Variants in LYRM4 observed in about 807,000 individuals in gnomAD.
LYRM4 encodes LYR motif-containing protein 4.
A neutral mutation model predicts 11.7 loss-of-function variants in LYRM4; 9 were observed. The observed-to-expected ratio is 0.77, with a 90% CI of 0.46 to 1.34. The LOEUF (loss-of-function observed/expected upper bound fraction) is 1.34, where lower values mean the gene tolerates loss of function less well. LYRM4 is among the 40% of genes most tolerant of loss of function. LYRM4 has a pLI of 0.00. For synonymous variants in LYRM4, 42 were observed against 40.4 expected, an observed-to-expected ratio of 1.04 and a Z score of -0.15; for missense variants, 133 against 112.5, an observed-to-expected ratio of 1.18 and a Z score of -0.82.
At chr6:5,086,327 CTG>C in the LYRM4 span, 2 of 1,535,778 alleles carry the variant, frequency 1.3e-6, no homozygotes, top group Non-Finnish European at 8.7e-7. Flanking sequence ...GAGGCACCGT[CTG>C]GGGCCTCCGA....
chr6:5,156,625 G>T (rs1209630360), intron 2 of LYRM4, among the ~76,000 whole-genome samples: 2 of 152,216 alleles, frequency 1.3e-5, no homozygotes, highest in African/African-American at 4.8e-5. Context: ...GCTCCTTGCT[G>T]AGCTGCCTCA....
chr6:5,195,818 T>C (rs550576821), intron 2 of LYRM4, among the ~76,000 whole-genome samples: 12 of 152,248 alleles, frequency 7.9e-5, no homozygotes, highest in East Asian at 3.9e-4. Context: ...TAACACAGAT[T>C]GTAAGCTGCA....
At chr6:5,216,501 G>C in intron 2 of LYRM4, 117 bp downstream of exon 2, 1 of 1,196,892 alleles carries the variant, frequency 8.4e-7, no homozygotes, top group South Asian at 1.3e-5. Context: ...AAGGAACAGA[G>C]TTTCATGATC....
chr6:5,133,240 T>C (rs534577262), intron 2 of LYRM4, among the ~76,000 whole-genome samples: 1 of 152,330 alleles, frequency 6.6e-6, no homozygotes, highest in Non-Finnish European at 1.5e-5. Context: ...ATCAAGATGA[T>C]CGATCGTTTT....
Position 5,245,113 on chromosome 6 carries a change from AATATATATATATATAT to A in LYRM4, c.86+15519_86+15534del, listed in dbSNP as rs1158676783. On this transcript the variant is annotated intron_variant, in intron 1 of 2. Coordinates refer to ENST00000330636, the MANE Select transcript of LYRM4 (RefSeq NM_020408.6). ...TTAAAAAAAAAAAAAAAAAAAAAAA[AATATATATATATATAT>A]ATATATATATATATATATATATATA... is the stretch of plus-strand genomic sequence containing the variant. Among the ~76,000 whole-genome samples the A allele has an allele frequency of 7.9e-3, 190 of 24,062 alleles. 3 individuals carry two copies. The highest frequency in any genetic ancestry group is 0.034 in the East Asian group (19 of 562). 15.8% of individuals were successfully genotyped at this position (24,062 alleles called of 152,430 possible).
chr6:5,068,601 G>A, the LYRM4 span, among the ~76,000 whole-genome samples: 1 of 152,124 alleles, frequency 6.6e-6, no homozygotes, highest in East Asian at 1.9e-4. This position sits in a 1 kb window ranked among gnomAD's most constrained non-coding sequence, Gnocchi z 4.0. Context: ...CACACCCAGG[G>A]CCCACTGCGT....
intron 2 of LYRM4, among the ~76,000 whole-genome samples, chr6:5,153,060 C>T (rs374750349): frequency 1.1e-4 from 16 of 152,288 alleles, no homozygotes; most frequent in African/African-American, 3.8e-4. Flanking sequence ...ATACACTAGG[C>T]TGTTGGTTTT....
chr6:5,152,354 A>C (rs1487859742), intron 2 of LYRM4, among the ~76,000 whole-genome samples: 1 of 152,178 alleles, frequency 6.6e-6, no homozygotes, highest in South Asian at 2.1e-4. Flanking sequence ...CAACTATGTC[A>C]CTCGGGGAAA....
the LYRM4 span, among the ~76,000 whole-genome samples, chr6:5,038,891 A>G: frequency 2.0e-3 from 9 of 4,566 alleles, 1 homozygote; most frequent in African/African-American, 4.7e-3. Context: ...AGGGAGAGAG[A>G]GGGAGAGGGA....
chr6:5,160,662 C>T (rs372757946), intron 2 of LYRM4, among the ~76,000 whole-genome samples: 1,622 of 145,322 alleles, frequency 0.011, 28 homozygotes, highest in African/African-American at 0.039. Context: ...ACCCCCCCCC[C>T]AGCAATGTGG....
chr6:5,200,363 G>A (rs1455875098), intron 2 of LYRM4, among the ~76,000 whole-genome samples: 1 of 152,068 alleles, frequency 6.6e-6, no homozygotes, highest in Non-Finnish European at 1.5e-5. Context: ...TATTCTACTT[G>A]GTTGTTAAGG....
At chr6:5,141,513 C>T (rs557478575) in intron 2 of LYRM4, among the ~76,000 whole-genome samples, 4 of 152,266 alleles carry the variant, frequency 2.6e-5, no homozygotes, top group African/African-American at 7.2e-5. Flanking sequence ...TCCACCGTAG[C>T]GGAACAGTAC....
chr6:5,148,060 C>T (rs528578094), intron 2 of LYRM4, among the ~76,000 whole-genome samples: 8 of 152,170 alleles, frequency 5.3e-5, no homozygotes, highest in Non-Finnish European at 1.0e-4. Context: ...TCTCCCTTCA[C>T]GTCACCTTAC....
the LYRM4 span, among the ~76,000 whole-genome samples, chr6:5,084,328 C>T: frequency 2.0e-5 from 3 of 152,226 alleles, no homozygotes; most frequent in South Asian, 6.2e-4. Context: ...CGGGCCTTGG[C>T]CCCTGGCAAG....
the LYRM4 span, among the ~76,000 whole-genome samples, chr6:5,047,046 C>G: frequency 6.6e-6 from 1 of 152,106 alleles, no homozygotes; most frequent in African/African-American, 2.4e-5. Flanking sequence ...AAGCCATGAT[C>G]ATGCCACTGC....
At chr6:5,226,522 T>G (rs1230443499) in intron 1 of LYRM4, among the ~76,000 whole-genome samples, 3 of 152,130 alleles carry the variant, frequency 2.0e-5, no homozygotes, top group African/African-American at 7.2e-5. Flanking sequence ...GTAGCTGGGA[T>G]TACAGGCATG....
chr6:5,167,726 C>T (rs1377753624), intron 2 of LYRM4, among the ~76,000 whole-genome samples: 4 of 152,072 alleles, frequency 2.6e-5, no homozygotes, highest in Non-Finnish European at 5.9e-5. Context: ...GACAGGAAGT[C>T]CCTGTTTATT....
At chr6:5,256,778 T>C (rs1205493494) in intron 1 of LYRM4, among the ~76,000 whole-genome samples, 1 of 151,926 alleles carries the variant, frequency 6.6e-6, no homozygotes, top group African/African-American at 2.4e-5. Context: ...AAATATGAAC[T>C]AAAAAACCCT....
intron 2 of LYRM4, among the ~76,000 whole-genome samples, chr6:5,110,558 T>C (rs1433219130): frequency 1.3e-5 from 2 of 152,186 alleles, no homozygotes; most frequent in Non-Finnish European, 2.9e-5. Flanking sequence ...TAACTAAGTG[T>C]TGCGGTGCAA....
Sources: gnomAD v4.1 joint callset for allele counts (sites outside exome capture counted in the v4.1 genomes callset) on GRCh38, gnomAD v4.1.1 for gene constraint, Gnocchi (gnomAD v3.1) non-coding constraint, MANE v1.5 for transcripts, NCBI Gene and HGNC (gene_info 2026-07-23, HGNC 2026-07-21) for gene names.